LRP1B: variants seen among roughly 807,000 people sequenced by gnomAD.
The protein encoded by LRP1B is LDL receptor related protein 1B, also known as low-density lipoprotein receptor-related protein 1B.
A neutral mutation model predicts 556.6 loss-of-function variants in LRP1B; 217 were observed. The ratio of observed to expected loss-of-function variants is 0.39; its 90% CI spans 0.35 to 0.44. LRP1B has a LOEUF of 0.44. Among genes scored for constraint, LRP1B ranks in the 20% least tolerant of loss-of-function variants. The pLI is 1.00. For missense variants in LRP1B, 5,053 were observed against 5,620.8 expected, an observed-to-expected ratio of 0.90 and a Z score of 3.23; for synonymous variants, 2,047 against 1,865.8, an observed-to-expected ratio of 1.10 and a Z score of -2.50.
At chr2:141,250,321 G>C (rs1195007883) in intron 4 of LRP1B, among the ~76,000 whole-genome samples, 2 of 152,138 alleles carry the variant, frequency 1.3e-5, no homozygotes. Context: ...CAGTGGATTA[G>C]AGTGTGGAAA....
chr2:140,367,479 A>G (rs1243796795), intron 71 of LRP1B, among the ~76,000 whole-genome samples: 1 of 151,702 alleles, frequency 6.6e-6, no homozygotes, highest in Non-Finnish European at 1.5e-5. Context: ...GACTCCGACA[A>G]TTGAACATCT....
chr2:141,764,375 T>G (rs2118274), intron 2 of LRP1B, among the ~76,000 whole-genome samples: 113,585 of 151,950 alleles, frequency 0.75, 42,739 homozygotes, highest in Non-Finnish European at 0.79. Context: ...GTAGAGACGG[T>G]GTTTCACCAT....
chr2:140,749,986 C>T (rs185649111), intron 35 of LRP1B, among the ~76,000 whole-genome samples: 9 of 152,036 alleles, frequency 5.9e-5, no homozygotes, highest in Admixed American at 2.6e-4. Flanking sequence ...TTTTCATCTT[C>T]GTTATAATCT....
chr2:140,566,642 C>T (rs1418356670), intron 43 of LRP1B, among the ~76,000 whole-genome samples: 1 of 152,132 alleles, frequency 6.6e-6, no homozygotes. Flanking sequence ...ACTCCATATA[C>T]CCCTCCCAGT....
chr2:140,435,323 G>GT, intron 66 of LRP1B, among the ~76,000 whole-genome samples: 1 of 152,102 alleles, frequency 6.6e-6, no homozygotes, highest in Non-Finnish European at 1.5e-5. Flanking sequence ...TATATATGTA[G>GT]TTTTAGAGAA....
At chr2:140,824,182 T>C (rs1040855603) in intron 31 of LRP1B, among the ~76,000 whole-genome samples, 1 of 150,032 alleles carries the variant, frequency 6.7e-6, no homozygotes, top group Non-Finnish European at 1.5e-5. Context: ...TTTCTCTTAA[T>C]TAGTAAGAAA....
At chr2:142,048,472 AAAAG>A (rs1704333123) in intron 1 of LRP1B, among the ~76,000 whole-genome samples, 1 of 152,078 alleles carries the variant, frequency 6.6e-6, no homozygotes, top group South Asian at 2.1e-4. Flanking sequence ...CATTCTTCTT[AAAAG>A]AAAGAGTGAA....
At chr2:140,290,211 A>G (rs956351992) in intron 84 of LRP1B, among the ~76,000 whole-genome samples, 3 of 152,052 alleles carry the variant, frequency 2.0e-5, no homozygotes, top group Admixed American at 6.6e-5. Context: ...AGGAAAAAGG[A>G]GAGTTAAGAA....
intron 32 of LRP1B, among the ~76,000 whole-genome samples, chr2:140,776,607 T>C (rs1689508782): frequency 6.6e-6 from 1 of 151,994 alleles, no homozygotes; most frequent in African/African-American, 2.4e-5. Flanking sequence ...TGTAGTTTTG[T>C]ACGATACGTA....
rs1408972717 is a variant in LRP1B, at chr2:141,978,729, G to A, written c.82+151919C>T. Among the ~76,000 whole-genome samples the A allele has an allele frequency of 2.0e-5, 3 of 151,880 alleles. 1 individual carries two copies. Among genetic ancestry groups the A allele is most frequent in the South Asian group, 4.1e-4 (2 of 4,830 alleles). On this transcript the variant is annotated intron_variant, in intron 1 of 90. Coordinates refer to ENST00000389484, the MANE Select transcript of LRP1B (RefSeq NM_018557.3). ...ATGGTTGTAAAACTCTCCTGTCACC[G>A]ATTAAAAAAACATCATCATTTTTTT...
At chr2:141,560,281 C>A (rs16846471) in intron 2 of LRP1B, among the ~76,000 whole-genome samples, 11,099 of 151,642 alleles carry the variant, frequency 0.073, 494 homozygotes, top group Non-Finnish European at 0.099. Flanking sequence ...CCCAAGGCAA[C>A]CTGAATAGGA....
chr2:141,512,248 C>CG (rs1243488891), intron 2 of LRP1B, among the ~76,000 whole-genome samples: 9 of 152,158 alleles, frequency 5.9e-5, no homozygotes, highest in African/African-American at 2.2e-4. Flanking sequence ...TACAACAGTT[C>CG]GGGGGAGGTG....
chr2:141,314,594 A>T (rs1686928711), intron 3 of LRP1B, among the ~76,000 whole-genome samples: 1 of 151,490 alleles, frequency 6.6e-6, no homozygotes, highest in East Asian at 2.0e-4. Context: ...GATCGAGACC[A>T]TCTTGGCTAA....
chr2:141,498,907 T>A (rs1369403080), intron 2 of LRP1B, among the ~76,000 whole-genome samples: 1 of 152,058 alleles, frequency 6.6e-6, no homozygotes, highest in African/African-American at 2.4e-5. Context: ...CTTGCTTAGA[T>A]AGGCAAATAA....
chr2:141,742,215 T>C (rs1032088436), intron 2 of LRP1B, among the ~76,000 whole-genome samples: 2 of 151,908 alleles, frequency 1.3e-5, no homozygotes, highest in African/African-American at 4.8e-5. Context: ...TAACTTGAAG[T>C]CAGGTAATGT....
chr2:141,271,110 A>G (rs1434481041), intron 3 of LRP1B, among the ~76,000 whole-genome samples: 1 of 151,966 alleles, frequency 6.6e-6, no homozygotes, highest in Non-Finnish European at 1.5e-5. Flanking sequence ...AAAATAACCA[A>G]AATGAAAATT....
chr2:141,221,971 A>T (rs1350057092), intron 6 of LRP1B, among the ~76,000 whole-genome samples: 1 of 152,204 alleles, frequency 6.6e-6, no homozygotes, highest in Non-Finnish European at 1.5e-5. Context: ...CACATCAAAA[A>T]GCTAGAAAGA....
At chr2:141,032,886 T>C (rs1008623727) in intron 11 of LRP1B, among the ~76,000 whole-genome samples, 2 of 148,940 alleles carry the variant, frequency 1.3e-5, no homozygotes, top group East Asian at 4.0e-4. Flanking sequence ...GCTTAGAAAA[T>C]GTTTGCATCC....
At chr2:140,889,780 T>C (rs1398503215) in intron 23 of LRP1B, among the ~76,000 whole-genome samples, 1 of 152,130 alleles carries the variant, frequency 6.6e-6, no homozygotes, top group Non-Finnish European at 1.5e-5. Flanking sequence ...TGGTAGCTAG[T>C]GTTAGCAATG....
Sources: gnomAD v4.1 joint callset for allele counts (sites outside exome capture counted in the v4.1 genomes callset) on GRCh38, gnomAD v4.1.1 for gene constraint, MANE v1.5 for transcripts, NCBI Gene and HGNC (gene_info 2026-07-23, HGNC 2026-07-21) for gene names.